The following RALA variants were observed in gnomAD, a reference collection of about 807,000 sequenced individuals.
RALA encodes the protein RAS like proto-oncogene A, also known as ras-related protein Ral-A.
Under a neutral mutation model 24.0 loss-of-function variants are expected in RALA, and 5 were observed. The ratio of observed to expected loss-of-function variants is 0.21; its 90% CI spans 0.11 to 0.44. The LOEUF (loss-of-function observed/expected upper bound fraction) is 0.44. RALA is among the 20% of genes least tolerant of loss of function. The probability of loss-of-function intolerance (pLI) is 0.99; values close to 1 mark genes in which losing one functional copy is unlikely to be tolerated. For missense variants in RALA, 95 were observed against 241.2 expected, an observed-to-expected ratio of 0.39 and a Z score of 4.01; for synonymous variants, 77 against 83.8, an observed-to-expected ratio of 0.92 and a Z score of 0.44.
intron 1 of RALA, among the ~76,000 whole-genome samples, chr7:39,680,991 C>G (rs886884313): frequency 6.6e-6 from 1 of 152,174 alleles, no homozygotes; most frequent in Admixed American, 6.5e-5. Flanking sequence ...TACCCCTATT[C>G]TTTGCATTGT....
chr7:39,700,845 C>T (rs1211318783), intron 4 of RALA: 2 of 152,186 alleles, frequency 1.3e-5, no homozygotes, highest in Non-Finnish European at 2.9e-5. Context: ...ACTGCTACAT[C>T]CTGCGGAGTG....
chr7:39,658,715 A>G (rs1359287024), intron 1 of RALA, among the ~76,000 whole-genome samples: 1 of 152,114 alleles, frequency 6.6e-6, no homozygotes, highest in African/African-American at 2.4e-5. Flanking sequence ...AACACCTGTA[A>G]GCGAATCTTC....
chr7:39,626,538 T>C (rs1791491408), intron 1 of RALA, among the ~76,000 whole-genome samples: 1 of 152,212 alleles, frequency 6.6e-6, no homozygotes, highest in Non-Finnish European at 1.5e-5. Flanking sequence ...TTGCCAGCAG[T>C]CCTGGCCAGG....
chr7:39,665,825 G>T (rs1792278741), intron 1 of RALA, among the ~76,000 whole-genome samples: 2 of 151,948 alleles, frequency 1.3e-5, no homozygotes, highest in Non-Finnish European at 2.9e-5. Context: ...ATAAAGTTTA[G>T]TTGGCAAACA....
rs1228459657 is a variant in RALA at position 39,697,419 on chromosome 7, C to G, written c.498+560C>G. On this transcript the variant is annotated intron_variant, in intron 4 of 4. Transcript: ENST00000005257. ...CTCGCTTTGTTCAGAGTGGCCCTTCCTGAAGACCAGATGTGGAACACCTGC... is the reference window on the plus strand; with the variant it reads ...CTCGCTTTGTTCAGAGTGGCCCTTCGTGAAGACCAGATGTGGAACACCTGC... 6.6e-6 allele frequency: 3 copies of G among 456,718 alleles called. No homozygotes were observed. In the East Asian group the frequency reaches 2.1e-4, roughly 32 times the overall value. 28.3% of individuals were successfully genotyped at this position (456,718 alleles called of 1,614,324 possible). A position where few individuals can be genotyped will look rare whatever the true frequency, so the allele number is the denominator to read the frequency against.
At chr7:39,636,247 TATA>T (rs1489753955) in intron 1 of RALA, among the ~76,000 whole-genome samples, 1 of 152,178 alleles carries the variant, frequency 6.6e-6, no homozygotes, top group Non-Finnish European at 1.5e-5. Flanking sequence ...TGCTGGGTCG[TATA>T]ATAACTCCCA....
chr7:39,683,100 A>G (rs1487984729), intron 1 of RALA, among the ~76,000 whole-genome samples: 1 of 152,164 alleles, frequency 6.6e-6, no homozygotes, highest in Admixed American at 6.5e-5. Context: ...GATGCCTTCC[A>G]CCAGAAGCCA....
chr7:39,685,494 C>T (rs1408224961), intron 1 of RALA, among the ~76,000 whole-genome samples: 1 of 152,136 alleles, frequency 6.6e-6, no homozygotes, highest in African/African-American at 2.4e-5. Context: ...AACAAAAAGT[C>T]TCTTTGCTTG....
chr7:39,663,530 A>C (rs1792234324), intron 1 of RALA, among the ~76,000 whole-genome samples: 1 of 152,178 alleles, frequency 6.6e-6, no homozygotes, highest in South Asian at 2.1e-4. Flanking sequence ...CAACATTACA[A>C]GAAACAAGTT....
chr7:39,686,839 CT>C, intron 2 of RALA, 58 bp downstream of exon 2: 2 of 1,331,988 alleles, frequency 1.5e-6, no homozygotes, highest in Non-Finnish European at 1.1e-6. Context: ...ATTTCCCTAG[CT>C]TAGTTTTGGT....
chr7:39,655,817 AATTAT>A (rs1792086957), intron 1 of RALA, among the ~76,000 whole-genome samples: 2 of 152,260 alleles, frequency 1.3e-5, no homozygotes, highest in Admixed American at 1.3e-4. Flanking sequence ...AATTTTCCAC[AATTAT>A]ATTATTAATA....
chr7:39,664,536 G>T (rs1792252357), intron 1 of RALA, among the ~76,000 whole-genome samples: 2 of 152,128 alleles, frequency 1.3e-5, no homozygotes, highest in South Asian at 4.1e-4. Flanking sequence ...CTAGATTGGG[G>T]GTTGTAAGGA....
chr7:39,627,402 C>T (rs1300027331), intron 1 of RALA, among the ~76,000 whole-genome samples: 1 of 152,174 alleles, frequency 6.6e-6, no homozygotes, highest in Non-Finnish European at 1.5e-5. Flanking sequence ...TAAAGGCCTT[C>T]ACAGCTAGGG....
chr7:39,666,228 GGGTGTCAGGGCCACAAA>G (rs1287852877), intron 1 of RALA, among the ~76,000 whole-genome samples: 1 of 151,888 alleles, frequency 6.6e-6, no homozygotes, highest in African/African-American at 2.4e-5. Context: ...AATGTATACT[GGGTGTCAGGGCCACAAA>G]GGTGACATTT....
chr7:39,646,657 A>G (rs1247102479), intron 1 of RALA, among the ~76,000 whole-genome samples: 1 of 152,096 alleles, frequency 6.6e-6, no homozygotes, highest in East Asian at 1.9e-4. Context: ...ATAGACATAA[A>G]ATTGCTCTAG....
chr7:39,670,988 C>T (rs1792372066), intron 1 of RALA, among the ~76,000 whole-genome samples: 1 of 152,192 alleles, frequency 6.6e-6, no homozygotes, highest in African/African-American at 2.4e-5. Flanking sequence ...ACCATAGTCA[C>T]TTAAGCTAGG....
rs1792797855 is a variant in RALA, at chr7:39,690,607, T to C, written c.323+17T>C. 10 of 1,564,326 alleles carry C rather than the reference T, an allele frequency of 6.4e-6. No homozygotes were observed. The highest frequency in any genetic ancestry group is 8.7e-6 in the Non-Finnish European group (10 of 1,143,064). On this transcript the variant is annotated intron_variant, in intron 3 of 4. Transcript: ENST00000005257. The stretch of plus-strand genomic sequence containing the variant: ...TGACTTCAGGTATGTCCTAGAGTAA[T>C]GTTGTTGCTTGTGACATACTATACA...
intron 3 of RALA, among the ~76,000 whole-genome samples, chr7:39,695,290 C>T (rs1228413629): frequency 6.6e-6 from 1 of 152,134 alleles, no homozygotes. Flanking sequence ...TGCACATCCT[C>T]CCATGTACCT....
intron 2 of RALA, among the ~76,000 whole-genome samples, chr7:39,688,579 ATTTTTTT>A (rs34265657): frequency 1.4e-5 from 2 of 142,770 alleles, no homozygotes; most frequent in African/African-American, 2.6e-5. Flanking sequence ...CACATGCCTA[ATTTTTTT>A]TTTTTTTTTT....
Sources: gnomAD v4.1 joint callset for allele counts (sites outside exome capture counted in the v4.1 genomes callset) on GRCh38, gnomAD v4.1.1 for gene constraint, MANE v1.5 for transcripts, NCBI Gene and HGNC (gene_info 2026-07-23, HGNC 2026-07-21) for gene names.